MGAT4C: variants seen among roughly 807,000 people sequenced by gnomAD.
MGAT4C encodes the protein alpha-1,3-mannosyl-glycoprotein 4-beta-N-acetylglucosaminyltransferase C.
A neutral mutation model predicts 40.1 loss-of-function variants in MGAT4C; 19 were observed. The observed-to-expected ratio is 0.47, with a 90% CI of 0.33 to 0.70. MGAT4C has a LOEUF of 0.70. Ranked by LOEUF, MGAT4C falls within the 30% of genes least tolerant of loss-of-function variation. The probability of loss-of-function intolerance (pLI) is 0.02; values close to 1 mark genes in which losing one functional copy is unlikely to be tolerated. For missense variants in MGAT4C, 491 were observed against 563.2 expected, an observed-to-expected ratio of 0.87 and a Z score of 1.30; for synonymous variants, 181 against 187.1, an observed-to-expected ratio of 0.97 and a Z score of 0.27.
At chr12:86,056,349 A>T (rs1028566932) in intron 1 of MGAT4C, among the ~76,000 whole-genome samples, 1 of 152,128 alleles carries the variant, frequency 6.6e-6, no homozygotes, top group Non-Finnish European at 1.5e-5. Context: ...CTTGTCATGT[A>T]CGTTAGGCAT....
At chr12:86,249,819 T>C (rs17013858) in intron 1 of MGAT4C, among the ~76,000 whole-genome samples, 10,845 of 152,220 alleles carry the variant, frequency 0.071, 937 homozygotes, top group East Asian at 0.25. Flanking sequence ...TCTCTAATTT[T>C]CCAAAACTCA....
chr12:86,148,731 T>C (rs1593074128), intron 1 of MGAT4C, among the ~76,000 whole-genome samples: 1 of 152,170 alleles, frequency 6.6e-6, no homozygotes, highest in East Asian at 1.9e-4. Flanking sequence ...TTTACCATTA[T>C]ATGGAATTGC....
chr12:86,735,112 AG>A (rs1489311994), intron 1 of MGAT4C, among the ~76,000 whole-genome samples: 1 of 151,996 alleles, frequency 6.6e-6, no homozygotes, highest in Non-Finnish European at 1.5e-5. Flanking sequence ...TTTGCTATTC[AG>A]GGATTTTGTC....
chr12:86,817,073 G>T (rs1952620932), intron 1 of MGAT4C, among the ~76,000 whole-genome samples: 2 of 148,934 alleles, frequency 1.3e-5, no homozygotes, highest in African/African-American at 2.5e-5. Context: ...TTAAACCATT[G>T]AATTATACAT....
intron 2 of MGAT4C, among the ~76,000 whole-genome samples, chr12:86,480,111 G>A (rs2136311934): frequency 6.6e-6 from 1 of 151,600 alleles, no homozygotes; most frequent in East Asian, 1.9e-4. Context: ...AAATTTATTT[G>A]GAAGACACAG....
chr12:86,137,475 T>C (rs941876361), intron 1 of MGAT4C, among the ~76,000 whole-genome samples: 1 of 152,202 alleles, frequency 6.6e-6, no homozygotes, highest in South Asian at 2.1e-4. Flanking sequence ...TCAGTGACTG[T>C]TATTGCCTAA....
At chr12:86,471,747 T>C (rs1360552961) in intron 2 of MGAT4C, among the ~76,000 whole-genome samples, 3 of 152,050 alleles carry the variant, frequency 2.0e-5, no homozygotes, top group Non-Finnish European at 4.4e-5. Context: ...AGAAGCTGAA[T>C]TGGGTAGACA....
chr12:86,711,268 A>G (rs1352033746), intron 2 of MGAT4C, among the ~76,000 whole-genome samples: 2 of 152,142 alleles, frequency 1.3e-5, no homozygotes, highest in African/African-American at 2.4e-5. Context: ...ATAGAGAAAG[A>G]GCCAAAAGGG....
chr12:86,125,391 C>T (rs867811887), intron 1 of MGAT4C, among the ~76,000 whole-genome samples: 6 of 152,112 alleles, frequency 3.9e-5, no homozygotes, highest in Non-Finnish European at 7.4e-5. Flanking sequence ...GTTTATGGTG[C>T]CTTTGGGTCT....
intron 1 of MGAT4C, among the ~76,000 whole-genome samples, chr12:86,181,187 TG>T (rs1309396181): frequency 6.6e-6 from 1 of 152,130 alleles, no homozygotes; most frequent in Non-Finnish European, 1.5e-5. Flanking sequence ...TTTTGCCTCC[TG>T]CCATGATTCT....
Position 86,632,307 on chromosome 12 carries a change from G to T in MGAT4C, c.-229+94902C>A, listed in dbSNP as rs557626437. On this transcript the variant is annotated intron_variant, in intron 2 of 7. Coordinates refer to the MGAT4C transcript ENST00000548651. ...ATAGGAATGCTTTTACACTGTTGGG[G>T]GGACTGTAAACTAGTTCAACCATTG... Among the ~76,000 whole-genome samples the T allele has an allele frequency of 3.1e-3, 470 of 152,244 alleles. 2 individuals are homozygous for T. Among genetic ancestry groups the T allele is most frequent in the Middle Eastern group, 0.014 (4 of 294 alleles).
chr12:86,134,849 G>C (rs780569384), intron 1 of MGAT4C, among the ~76,000 whole-genome samples: 2 of 152,074 alleles, frequency 1.3e-5, no homozygotes, highest in Non-Finnish European at 2.9e-5. Context: ...AGAGAAAGTC[G>C]TTTGTCAAAT....
At chr12:86,559,289 G>A (rs559071145) in intron 2 of MGAT4C, among the ~76,000 whole-genome samples, 3 of 151,862 alleles carry the variant, frequency 2.0e-5, no homozygotes, top group Non-Finnish European at 4.4e-5. Flanking sequence ...AGAAACATCA[G>A]CTTTAAACTG....
intron 2 of MGAT4C, among the ~76,000 whole-genome samples, chr12:86,567,610 C>G (rs901237192): frequency 2.6e-5 from 4 of 152,086 alleles, no homozygotes; most frequent in Non-Finnish European, 5.9e-5. Flanking sequence ...TACAGATGAC[C>G]CAGACACTTC....
chr12:86,557,386 A>T lies in MGAT4C; in HGVS notation c.-228-122121T>A, dbSNP rs144245314. ...TGGGGTTCAGCCAACCCTGCCAGTC[A>T]CCAGTGATGCCTGCAGATAACATCT... is the stretch of plus-strand genomic sequence containing the variant. On this transcript the variant is annotated intron_variant, in intron 2 of 7. Transcript: ENST00000548651. Among the ~76,000 whole-genome samples, 600 of 152,214 alleles carry T rather than the reference A, an allele frequency of 3.9e-3. 2 individuals are homozygous for T. Among genetic ancestry groups the T allele is most frequent in the Non-Finnish European group, 6.2e-3 (423 of 68,008 alleles).
At position 86,790,592 on chromosome 12, in the gene MGAT4C, A is replaced by G. The variant is rs531361899; in HGVS notation, c.-262+48074T>C. ...TCTGGAACCAATCCTGGTTGACTGA[A>G]TCACAGATAATATCCCATAGTTTTG... is the stretch of plus-strand genomic sequence containing the variant. On this transcript the variant is annotated intron_variant, in intron 1 of 7. Coordinates refer to the MGAT4C transcript ENST00000548651. Among the ~76,000 whole-genome samples, 15 of 152,294 alleles carry G rather than the reference A, an allele frequency of 9.8e-5. 1 individual carries two copies. In the South Asian group the frequency reaches 3.1e-3, roughly 32 times the overall value.
chr12:86,214,641 T>C (rs1200110371), intron 1 of MGAT4C, among the ~76,000 whole-genome samples: 1 of 152,212 alleles, frequency 6.6e-6, no homozygotes, highest in East Asian at 1.9e-4. Context: ...AGATCCTTTC[T>C]ATTCTGCCTC....
chr12:86,475,123 C>CT (rs1486146530), intron 2 of MGAT4C, among the ~76,000 whole-genome samples: 2 of 152,016 alleles, frequency 1.3e-5, no homozygotes, highest in African/African-American at 4.8e-5. Flanking sequence ...CTCCCCAATA[C>CT]TCCTATTTAT....
intron 2 of MGAT4C, among the ~76,000 whole-genome samples, chr12:86,476,996 G>A (rs180866138): frequency 2.8e-4 from 42 of 152,116 alleles, no homozygotes; most frequent in African/African-American, 1.0e-3. Flanking sequence ...CCATCTGGGT[G>A]ATGGAACCAT....
Sources: allele counts gnomAD v4.1 joint callset (sites outside exome capture counted in the v4.1 genomes callset), GRCh38; gene constraint gnomAD v4.1.1; transcripts MANE v1.5; gene names NCBI Gene and HGNC (gene_info 2026-07-23, HGNC 2026-07-21).